The following HPSE2 variants were observed in gnomAD, a reference collection of about 807,000 sequenced individuals.
The protein encoded by HPSE2 is heparanase 2 (inactive), also known as inactive heparanase-2.
In HPSE2, 38 loss-of-function variants were observed where a neutral mutation model predicts 60.5. The ratio of observed to expected loss-of-function variants is 0.63; its 90% CI spans 0.48 to 0.82. HPSE2 has a LOEUF of 0.82. HPSE2 is among the 40% of genes least tolerant of loss of function. The probability of loss-of-function intolerance (pLI) is 0.00; values close to 1 mark genes in which losing one functional copy is unlikely to be tolerated. For missense variants in HPSE2, 713 were observed against 740.4 expected (o/e 0.96, Z 0.43); for synonymous variants, 295 against 293.2 (o/e 1.01, Z -0.06).
chr10:98,529,196 C>T (rs1943061734), intron 9 of HPSE2, among the ~76,000 whole-genome samples: 1 of 152,226 alleles, frequency 6.6e-6, no homozygotes, highest in African/African-American at 2.4e-5. Flanking sequence ...AATTAAGCCT[C>T]TTTCGAAACT....
chr10:98,621,755 G>A (rs1946080070), intron 7 of HPSE2, among the ~76,000 whole-genome samples: 1 of 152,174 alleles, frequency 6.6e-6, no homozygotes, highest in Admixed American at 6.5e-5. Flanking sequence ...CCTATTTCAT[G>A]TGCAGGCCTG....
At chr10:98,806,961 G>C (rs191856409) in intron 3 of HPSE2, among the ~76,000 whole-genome samples, 3 of 152,050 alleles carry the variant, frequency 2.0e-5, no homozygotes, top group African/African-American at 7.2e-5. Flanking sequence ...GGCCAACATG[G>C]TGAAACCCCA....
chr10:98,460,274 C>G (rs1190061936), intron 11 of HPSE2, among the ~76,000 whole-genome samples: 5 of 152,134 alleles, frequency 3.3e-5, no homozygotes, highest in Non-Finnish European at 7.3e-5. Context: ...CCTTGCTTGT[C>G]TAAGGTTATA....
At chr10:99,251,104 A>G in the HPSE2 span, among the ~76,000 whole-genome samples, 1 of 152,212 alleles carries the variant, frequency 6.6e-6, no homozygotes, top group East Asian at 1.9e-4. Flanking sequence ...ACTGCTAGCT[A>G]GATTAACAAA....
At chr10:99,141,773 A>C (rs1369142198) in intron 3 of HPSE2, among the ~76,000 whole-genome samples, 1 of 152,236 alleles carries the variant, frequency 6.6e-6, no homozygotes, top group African/African-American at 2.4e-5. Context: ...CATCAGGTAA[A>C]GGTGGAACAT....
chr10:98,608,602 G>C (rs2133961054), intron 9 of HPSE2, among the ~76,000 whole-genome samples: 1 of 152,328 alleles, frequency 6.6e-6, no homozygotes, highest in Non-Finnish European at 1.5e-5. Flanking sequence ...ATGCAGCCCA[G>C]GCACTTCGGC....
chr10:98,595,699 C>T (rs755723374), intron 9 of HPSE2, among the ~76,000 whole-genome samples: 2 of 152,096 alleles, frequency 1.3e-5, no homozygotes, highest in Non-Finnish European at 2.9e-5. Context: ...TGCTTTCTTT[C>T]TCTTGCCTAA....
chr10:98,746,185 T>C (rs1949624020), intron 3 of HPSE2, among the ~76,000 whole-genome samples: 1 of 152,172 alleles, frequency 6.6e-6, no homozygotes, highest in Non-Finnish European at 1.5e-5. Context: ...AAGGAATAAA[T>C]TTCACATTCA....
At position 98,731,619 on chromosome 10, in the gene HPSE2, C is replaced by A. The variant is rs527937967; in HGVS notation, c.785-9791G>T. Among the ~76,000 whole-genome samples, 3 of 152,282 alleles carry A rather than the reference C, an allele frequency of 2.0e-5. No individual in the cohort carries two copies. In the South Asian group the frequency reaches 6.2e-4, roughly 32 times the overall value. On this transcript the variant is annotated intron_variant, in intron 4 of 11. Coordinates refer to ENST00000370552, the MANE Select transcript of HPSE2 (RefSeq NM_021828.5). Reference sequence around the variant, plus strand: ...TCCCAACAAACTGAATAGAAGGGAACTTTCTCAACTTGATAAAGCGTATCT... The same window carrying A: ...TCCCAACAAACTGAATAGAAGGGAAATTTCTCAACTTGATAAAGCGTATCT...
chr10:99,173,860 T>C (rs1453348573), intron 2 of HPSE2, among the ~76,000 whole-genome samples: 2 of 149,636 alleles, frequency 1.3e-5, no homozygotes, highest in Admixed American at 6.7e-5. Flanking sequence ...GGAGAATAGC[T>C]TGAACTCGTG....
At chr10:98,762,388 G>C (rs1180102603) in intron 3 of HPSE2, among the ~76,000 whole-genome samples, 2 of 152,042 alleles carry the variant, frequency 1.3e-5, no homozygotes, top group East Asian at 3.8e-4. Context: ...GAGAAGGAGA[G>C]AGACAGAGAG....
the HPSE2 span, among the ~76,000 whole-genome samples, chr10:99,271,450 A>G: frequency 6.6e-6 from 1 of 152,156 alleles, no homozygotes; most frequent in Non-Finnish European, 1.5e-5. Flanking sequence ...GAAATGAAAG[A>G]CCTCTACAAG....
At chr10:98,526,827 G>C (rs7096554) in intron 9 of HPSE2, among the ~76,000 whole-genome samples, 10,609 of 152,042 alleles carry the variant, frequency 0.07, 1,202 homozygotes, top group African/African-American at 0.24. Context: ...GGATGAAGCT[G>C]GTATAAATTT....
the HPSE2 span, among the ~76,000 whole-genome samples, chr10:99,302,418 A>G: frequency 6.6e-6 from 1 of 152,138 alleles, no homozygotes; most frequent in Non-Finnish European, 1.5e-5. Flanking sequence ...ACTACTGGGG[A>G]CGCCAAAAGG....
intron 3 of HPSE2, among the ~76,000 whole-genome samples, chr10:99,129,856 GAT>G (rs1845312684): frequency 6.7e-6 from 1 of 149,472 alleles, no homozygotes; most frequent in African/African-American, 2.4e-5. Flanking sequence ...TCTTTGAAGA[GAT>G]AAACAAAATT....
intron 7 of HPSE2, among the ~76,000 whole-genome samples, chr10:98,624,660 A>G (rs1198620019): frequency 2.6e-5 from 4 of 152,232 alleles, no homozygotes; most frequent in Admixed American, 2.6e-4. Context: ...GTAAAATGAT[A>G]AAAACTGTAA....
the HPSE2 span, among the ~76,000 whole-genome samples, chr10:99,297,789 T>C: frequency 9.2e-5 from 14 of 152,172 alleles, no homozygotes; most frequent in African/African-American, 3.4e-4. Context: ...GGGACCCTTA[T>C]TGGCTGCAAT....
At chr10:98,483,530 G>A (rs912598432) in intron 10 of HPSE2, among the ~76,000 whole-genome samples, 1 of 152,196 alleles carries the variant, frequency 6.6e-6, no homozygotes, top group African/African-American at 2.4e-5. Flanking sequence ...AACGTGTGTT[G>A]TATGATTCCT....
At chr10:98,905,157 T>A (rs1030607155) in intron 3 of HPSE2, among the ~76,000 whole-genome samples, 2 of 152,034 alleles carry the variant, frequency 1.3e-5, no homozygotes, top group African/African-American at 4.8e-5. Flanking sequence ...AACAAGTACT[T>A]CTTCTTTTTT....
Sources: gnomAD v4.1 joint callset for allele counts (sites outside exome capture counted in the v4.1 genomes callset) on GRCh38, gnomAD v4.1.1 for gene constraint, MANE v1.5 for transcripts, NCBI Gene and HGNC (gene_info 2026-07-23, HGNC 2026-07-21) for gene names.